The following N4BP1 variants were observed in gnomAD, a reference collection of about 807,000 sequenced individuals.
The protein encoded by N4BP1 is NEDD4-binding protein 1.
Under a neutral mutation model 70.9 loss-of-function variants are expected in N4BP1, and 21 were observed. The observed-to-expected ratio is 0.30, with a 90% CI of 0.21 to 0.43. The LOEUF (loss-of-function observed/expected upper bound fraction) is 0.43, where lower values mean the gene tolerates loss of function less well. N4BP1 is among the 20% of genes least tolerant of loss of function. The probability of loss-of-function intolerance (pLI) is 1.00; values close to 1 mark genes in which losing one functional copy is unlikely to be tolerated. For missense variants in N4BP1, 936 were observed against 1,069.4 expected, an observed-to-expected ratio of 0.88 and a Z score of 1.74; for synonymous variants, 387 against 394.6, an observed-to-expected ratio of 0.98 and a Z score of 0.23.
intron 2 of N4BP1, among the ~76,000 whole-genome samples, chr16:48,555,424 C>T (rs544488539): frequency 2.0e-5 from 3 of 152,308 alleles, no homozygotes; most frequent in South Asian, 2.1e-4. Context: ...GGACACTTCA[C>T]GAACATCTAA....
chr16:48,556,175 A>G (rs1338532134), intron 2 of N4BP1, among the ~76,000 whole-genome samples: 1 of 152,168 alleles, frequency 6.6e-6, no homozygotes. Context: ...TTGATACTCT[A>G]AAAAAATCTC....
intron 2 of N4BP1, among the ~76,000 whole-genome samples, chr16:48,559,077 T>C (rs1461485739): frequency 6.6e-6 from 1 of 152,002 alleles, no homozygotes; most frequent in Non-Finnish European, 1.5e-5. Context: ...ATAATAGGGG[T>C]GGAAAGAAGA....
chr16:48,603,680 C>CT (rs1964535711), intron 1 of N4BP1: 1 of 152,166 alleles, frequency 6.6e-6, no homozygotes, highest in South Asian at 2.1e-4. Flanking sequence ...TGAGGCACCC[C>CT]TTGGCCCTCA....
intron 3 of N4BP1, 53 bp from the exon 4 acceptor site, chr16:48,551,535 T>C: frequency 1.6e-6 from 2 of 1,279,742 alleles, no homozygotes; most frequent in Non-Finnish European, 2.2e-6. Flanking sequence ...TCTTCCCAAA[T>C]GTATCAAGAA....
intron 1 of N4BP1, among the ~76,000 whole-genome samples, chr16:48,575,243 C>T (rs1964076045): frequency 6.6e-6 from 1 of 152,180 alleles, no homozygotes; most frequent in South Asian, 2.1e-4. Flanking sequence ...AAAGATAATG[C>T]AGTCCAAATA....
Position 48,561,247 on chromosome 16 carries a change from C to G in N4BP1, c.1396G>C (p.Val466Leu). 6.2e-7 allele frequency: 1 copy of G among 1,613,926 alleles called. No homozygotes were observed. The highest frequency in any genetic ancestry group is 2.2e-5 in the East Asian group (1 of 44,882). ...ACTTCATGTTTCTGTTCTATTGGCA[C>G]TGTTCTGAAAGTATTAATTCTACAA... is the stretch of plus-strand genomic sequence containing the variant. Reference protein sequence around the residue: ...SNCRINTFRTVPIEQKHEVWG... With the variant: ...SNCRINTFRTLPIEQKHEVWG... Residue 466 changes from valine to leucine, a missense_variant, in exon 2 of 7, where the codon GTG becomes CTG. This residue lies in a region of N4BP1 where 515 missense variants were observed against 491.7 expected (regional missense o/e 1.05). Transcript: ENST00000262384.
chr16:48,594,011 A>C (rs1430250988), intron 1 of N4BP1, among the ~76,000 whole-genome samples: 2 of 150,794 alleles, frequency 1.3e-5, no homozygotes, highest in African/African-American at 2.4e-5. Context: ...CAAAAAAAAA[A>C]AAAAAAACAA....
rs571821567 is a variant in N4BP1 at position 48,558,631 on chromosome 16, C to A, written c.1889+2123G>T. Among the ~76,000 whole-genome samples the A allele has an allele frequency of 4.0e-4, 61 of 152,170 alleles. 1 individual carries two copies. Among genetic ancestry groups the A allele is most frequent in the Non-Finnish European group, 8.7e-4 (59 of 68,030 alleles). ...CCTTGCATTTCTTATTTGGAAAATCCTTCCACATATAGAAAAGTGAAAGAG... is the reference window on the plus strand; with the variant it reads ...CCTTGCATTTCTTATTTGGAAAATCATTCCACATATAGAAAAGTGAAAGAG... On this transcript the variant is annotated intron_variant, in intron 2 of 6. Coordinates refer to ENST00000262384, the MANE Select transcript of N4BP1 (RefSeq NM_153029.4).
chr16:48,589,188 T>A (rs889175431), intron 1 of N4BP1, among the ~76,000 whole-genome samples: 1 of 152,192 alleles, frequency 6.6e-6, no homozygotes, highest in African/African-American at 2.4e-5. Context: ...CATACAACTT[T>A]TAAAATTTTT....
At chr16:48,556,217 C>G (rs1344109892) in intron 2 of N4BP1, among the ~76,000 whole-genome samples, 1 of 152,142 alleles carries the variant, frequency 6.6e-6, no homozygotes, top group Non-Finnish European at 1.5e-5. Context: ...GTTCAAAATT[C>G]TGGTGGAGAA....
rs760711928 is a variant in N4BP1 at position 48,607,112 on chromosome 16, A to G, written c.198+2663T>C. 1.3e-4 allele frequency among the ~76,000 whole-genome samples: 20 copies of G among 152,204 alleles called. 1 individual carries two copies. The highest frequency in any genetic ancestry group is 1.0e-4 in the Non-Finnish European group (7 of 68,036). On this transcript the variant is annotated intron_variant, in intron 1 of 6. Coordinates refer to ENST00000262384, the MANE Select transcript of N4BP1 (RefSeq NM_153029.4). ...TTCTTACAAGTGGGAGGGTTGACTT[A>G]TGAGTAATACATATCACAAAGATCA...
intron 1 of N4BP1, among the ~76,000 whole-genome samples, chr16:48,605,840 G>C (rs1280856443): frequency 6.6e-6 from 1 of 152,130 alleles, no homozygotes. Flanking sequence ...TTCTTCAGCA[G>C]GCCCCAAGCA....
intron 1 of N4BP1, among the ~76,000 whole-genome samples, chr16:48,582,784 G>A (rs1306884778): frequency 6.6e-6 from 1 of 152,134 alleles, no homozygotes; most frequent in Non-Finnish European, 1.5e-5. Context: ...GCAGATAAGG[G>A]GGACCACTGT....
intron 1 of N4BP1, chr16:48,600,374 T>C: frequency 1.3e-6 from 1 of 747,818 alleles, no homozygotes; most frequent in Non-Finnish European, 2.4e-6. Context: ...CATTTGAATA[T>C]GAAAAACATA....
At chr16:48,549,482 G>A (rs1438512307) in intron 4 of N4BP1, among the ~76,000 whole-genome samples, 2 of 152,210 alleles carry the variant, frequency 1.3e-5, no homozygotes, top group Non-Finnish European at 1.5e-5. Flanking sequence ...GTGTTCCAAC[G>A]CTGCTGGTGT....
In N4BP1 at chr16:48,542,322, C is replaced by T. The variant is rs1208948100; in HGVS notation, c.*582G>A. The stretch of plus-strand genomic sequence containing the variant: ...GCCCTGGTCATTCACCATGGCTAGG[C>T]ACCAAGTGCCATCTAGTGGCACCGC... On this transcript the variant is annotated 3_prime_UTR_variant, in exon 7 of 7. Coordinates refer to ENST00000262384, the MANE Select transcript of N4BP1 (RefSeq NM_153029.4). 1 of 152,738 alleles carries T rather than the reference C, an allele frequency of 6.5e-6. No homozygotes were observed. The highest frequency in any genetic ancestry group is 1.5e-5 in the Non-Finnish European group (1 of 68,094). The allele number at this position is 152,738 out of a possible 1,614,324, so 9.5% of individuals were successfully genotyped here.
intron 6 of N4BP1, among the ~76,000 whole-genome samples, chr16:48,543,822 G>A (rs1406195867): frequency 6.6e-6 from 1 of 152,190 alleles, no homozygotes; most frequent in Non-Finnish European, 1.5e-5. Flanking sequence ...GGCGAGAAAT[G>A]AGGCTAGCTG....
intron 1 of N4BP1, among the ~76,000 whole-genome samples, chr16:48,602,533 C>A (rs956946641): frequency 1.3e-5 from 2 of 152,076 alleles, no homozygotes; most frequent in African/African-American, 4.8e-5. Flanking sequence ...TCTGGTATAA[C>A]CCCAAAATGT....
chr16:48,561,190 TGTTACAAATGTA>T lies in N4BP1; in HGVS notation c.1441_1452del (p.Tyr481_Asn484del). ...GAAAGGCCATCAGTTTCAGGGTCTGTGTTACAAATGTAGTTCTGGTTTGAACCCCAGACTTCA... is the reference window on the plus strand; with the variant it reads ...GAAAGGCCATCAGTTTCAGGGTCTGTGTTCTGGTTTGAACCCCAGACTTCA... On this transcript the variant is annotated inframe_deletion, in exon 2 of 7. Transcript: ENST00000262384. 6.2e-7 allele frequency: 1 copy of T among 1,614,040 alleles called. No homozygotes were observed. The highest frequency in any genetic ancestry group is 8.5e-7 in the Non-Finnish European group (1 of 1,179,896).
Sources: allele counts gnomAD v4.1 joint callset (sites outside exome capture counted in the v4.1 genomes callset), GRCh38; gene constraint gnomAD v4.1.1; regional missense constraint gnomAD v4.1.1; transcripts MANE v1.5; gene names NCBI Gene and HGNC (gene_info 2026-07-23, HGNC 2026-07-21).